The following MFHAS1 variants were observed in gnomAD, a reference collection of about 807,000 sequenced individuals.
The protein encoded by MFHAS1 is malignant fibrous histiocytoma-amplified sequence 1.
In MFHAS1, 50 loss-of-function variants were observed where a neutral mutation model predicts 70.4. That is an observed-to-expected ratio of 0.71 (90% confidence interval 0.57 to 0.90). The LOEUF is 0.90. Among genes scored for constraint, MFHAS1 ranks in the 40% least tolerant of loss-of-function variants. The pLI is 0.00. For missense variants in MFHAS1, 1,795 were observed against 1,347.6 expected (o/e 1.33, Z -5.20); for synonymous variants, 952 against 620.0 (o/e 1.54, Z -7.96).
intron 1 of MFHAS1, among the ~76,000 whole-genome samples, chr8:8,862,338 T>C (rs1175515752): frequency 2.0e-5 from 3 of 150,602 alleles, no homozygotes; most frequent in Non-Finnish European, 4.4e-5. Flanking sequence ...GGAAAATCTC[T>C]ATTCAAAATA....
Position 8,891,795 on chromosome 8 carries a change from T to C in MFHAS1, c.1264A>G (p.Lys422Glu). ...GTGAGGCAGTGGCGCAGCAAAGTCT[T>C]TCCTGCAGCCTTATGCCCCATCAGG... The part of the protein sequence containing the change: ...LLLMGHKAAG[K>E]TLLRHCLTEE... Residue 422 changes from lysine to glutamate, a missense_variant, in exon 1 of 3, where the codon AAG becomes GAG. Coordinates refer to ENST00000276282, the MANE Select transcript of MFHAS1 (RefSeq NM_004225.3). This position sits in a 1 kb window ranked among gnomAD's most constrained non-coding sequence, Gnocchi z 5.4. 6.2e-7 allele frequency: 1 copy of C among 1,613,374 alleles called. No individual in the cohort carries two copies. The highest frequency in any genetic ancestry group is 8.5e-7 in the Non-Finnish European group (1 of 1,180,014).
At chr8:8,879,248 A>C (rs1432183569) in intron 1 of MFHAS1, among the ~76,000 whole-genome samples, 1 of 152,028 alleles carries the variant, frequency 6.6e-6, no homozygotes, top group East Asian at 1.9e-4. Flanking sequence ...GCTAGTTGGG[A>C]GATGAGGCAG....
intron 2 of MFHAS1, among the ~76,000 whole-genome samples, chr8:8,791,125 GTTTTT>G (rs34714915): frequency 0.063 from 8,313 of 132,640 alleles, 587 homozygotes; most frequent in African/African-American, 0.19. Flanking sequence ...CACCCCACCC[GTTTTT>G]TTTTTTTTTT....
intron 1 of MFHAS1, among the ~76,000 whole-genome samples, chr8:8,802,484 C>T (rs568261183): frequency 1.3e-5 from 2 of 152,244 alleles, no homozygotes; most frequent in South Asian, 4.1e-4. Flanking sequence ...GAGGACATGG[C>T]GAGAAGACAC....
chr8:8,806,840 A>T (rs1263031623), intron 1 of MFHAS1, among the ~76,000 whole-genome samples: 1 of 152,070 alleles, frequency 6.6e-6, no homozygotes, highest in Non-Finnish European at 1.5e-5. Context: ...ACACATCTGT[A>T]ATCCCAGCAA....
At chr8:8,802,131 G>C (rs1463235008) in intron 1 of MFHAS1, among the ~76,000 whole-genome samples, 1 of 152,180 alleles carries the variant, frequency 6.6e-6, no homozygotes, top group Non-Finnish European at 1.5e-5. Flanking sequence ...TGTTGTTTAT[G>C]TACCATCTCA....
chr8:8,878,747 A>T (rs956864589), intron 1 of MFHAS1, among the ~76,000 whole-genome samples: 3 of 152,156 alleles, frequency 2.0e-5, no homozygotes, highest in African/African-American at 7.2e-5. Context: ...CTAGAGACCT[A>T]AAATTCACTA....
intron 1 of MFHAS1, among the ~76,000 whole-genome samples, chr8:8,837,172 G>C (rs1263608320): frequency 1.3e-5 from 2 of 152,160 alleles, no homozygotes; most frequent in Non-Finnish European, 2.9e-5. Context: ...TACCACTGCA[G>C]TTCTGAAATG....
chr8:8,892,646 C>T lies in MFHAS1; in HGVS notation c.413G>A (p.Arg138Gln), dbSNP rs1748356863. 2 of 1,597,546 alleles carry T rather than the reference C, an allele frequency of 1.3e-6. No individual in the cohort carries two copies. The highest frequency in any genetic ancestry group is 1.7e-5 in the Admixed American group (1 of 57,290). Residue 138 changes from arginine to glutamine, a missense_variant, in exon 1 of 3, where the codon CGG (arginine) becomes CAG (glutamine). Coordinates refer to ENST00000276282, the MANE Select transcript of MFHAS1 (RefSeq NM_004225.3). The surrounding 1 kb of genome is among the most constrained non-coding windows in gnomAD (Gnocchi z 4.7). ...CTGGTTGTGGCTGAGGTTGAGCTTC[C>T]GCAGCTCCCTCAGAGCACTCACCAC... ...AEVVSALREL[R>Q]KLNLSHNQLP...
chr8:8,826,205 T>C (rs991804123), intron 1 of MFHAS1, among the ~76,000 whole-genome samples: 1 of 152,030 alleles, frequency 6.6e-6, no homozygotes, highest in African/African-American at 2.4e-5. Context: ...CTGTTACCCA[T>C]TTCTCAGGCG....
chr8:8,838,730 T>C lies in MFHAS1; in HGVS notation c.2999-41239A>G, dbSNP rs141135730. Among the ~76,000 whole-genome samples, 1,388 of 151,568 alleles carry C rather than the reference T, an allele frequency of 9.2e-3. 9 individuals are homozygous for C. Among genetic ancestry groups the C allele is most frequent in the Non-Finnish European group, 0.014 (923 of 67,934 alleles). On this transcript the variant is annotated intron_variant, in intron 1 of 2. Coordinates refer to ENST00000276282, the MANE Select transcript of MFHAS1 (RefSeq NM_004225.3). ...CAGGAGGGTGAGGCAGGAGAATCGG[T>C]TGAACTGGGAGGCAGAGGTTGTAGT... is the stretch of plus-strand genomic sequence containing the variant.
At chr8:8,869,583 T>C (rs770495151) in intron 1 of MFHAS1, among the ~76,000 whole-genome samples, 3 of 152,166 alleles carry the variant, frequency 2.0e-5, no homozygotes, top group Non-Finnish European at 2.9e-5. Context: ...ATTCACCTGG[T>C]ATCCATCATA....
chr8:8,858,925 ATC>A (rs1286192474), intron 1 of MFHAS1, among the ~76,000 whole-genome samples: 3 of 152,228 alleles, frequency 2.0e-5, no homozygotes, highest in African/African-American at 7.2e-5. Context: ...CAAGCCAGAT[ATC>A]TGTTTTATAT....
chr8:8,890,283 C>T lies in MFHAS1; in HGVS notation c.2776G>A (p.Val926Ile), dbSNP rs752886723. Residue 926 changes from valine (V) to isoleucine (I), a missense_variant, in exon 1 of 3, where the codon GTT becomes ATT. By Grantham distance (29) the Val-to-Ile change is conservative. Coordinates refer to ENST00000276282, the MANE Select transcript of MFHAS1 (RefSeq NM_004225.3). ...CCCCTGGCAGGTCTGTAACTCACAA[C>T]CACAGGAACTTTCCCTCTATAGGCA... ...IFAYRGKVPV[V>I]VSYRPARGVL... is the part of the protein sequence containing the mutation. 1.2e-6 allele frequency: 2 copies of T among 1,614,200 alleles called. No individual in the cohort carries two copies. Among genetic ancestry groups the T allele is most frequent in the Non-Finnish European group, 1.7e-6 (2 of 1,180,032 alleles).
intron 1 of MFHAS1, among the ~76,000 whole-genome samples, chr8:8,816,463 AT>A: frequency 6.6e-6 from 1 of 152,256 alleles, no homozygotes; most frequent in African/African-American, 2.4e-5. Context: ...CACTGATCAT[AT>A]CCCATGAGTT....
At chr8:8,801,317 A>G (rs1806077335) in intron 1 of MFHAS1, among the ~76,000 whole-genome samples, 1 of 152,268 alleles carries the variant, frequency 6.6e-6, no homozygotes, top group Non-Finnish European at 1.5e-5. Flanking sequence ...GAGCCAGGTA[A>G]CTGGTTTTGT....
intron 1 of MFHAS1, among the ~76,000 whole-genome samples, chr8:8,883,969 G>C (rs1300030284): frequency 3.3e-5 from 5 of 150,758 alleles, no homozygotes; most frequent in Non-Finnish European, 4.4e-5. Context: ...AGGCTGAGTG[G>C]GGAGGACCAT....
Position 8,868,799 on chromosome 8 carries a change from T to C in MFHAS1, c.2998+21262A>G, listed in dbSNP as rs572466461. The stretch of plus-strand genomic sequence containing the variant: ...TACAACTGGCTTCCACCCATAGTCA[T>C]CGCTACTTCATATGCAAACAGCACC... On this transcript the variant is annotated intron_variant, in intron 1 of 2. Transcript: ENST00000276282. Among the ~76,000 whole-genome samples the C allele has an allele frequency of 2.0e-5, 3 of 152,216 alleles. No individual in the cohort carries two copies. In the East Asian group the frequency reaches 5.8e-4, roughly 29 times the overall value.
At chr8:8,883,628 A>G (rs1040912440) in intron 1 of MFHAS1, among the ~76,000 whole-genome samples, 6 of 147,486 alleles carry the variant, frequency 4.1e-5, no homozygotes, top group Non-Finnish European at 7.5e-5. Context: ...GAATCACTTG[A>G]ACCCAGGAGG....
Sources: gnomAD v4.1 joint callset for allele counts (sites outside exome capture counted in the v4.1 genomes callset) on GRCh38, gnomAD v4.1.1 for gene constraint, Gnocchi (gnomAD v3.1) non-coding constraint, MANE v1.5 for transcripts, NCBI Gene and HGNC (gene_info 2026-07-23, HGNC 2026-07-21) for gene names.